The following POU6F2 variants were observed in gnomAD, a reference collection of about 807,000 sequenced individuals.
The protein encoded by POU6F2 is POU class 6 homeobox 2, also known as POU domain, class 6, transcription factor 2.
In POU6F2, 31 loss-of-function variants were observed where a neutral mutation model predicts 71.3. That is an observed-to-expected ratio of 0.43 (90% CI 0.33 to 0.59). The LOEUF (loss-of-function observed/expected upper bound fraction) is 0.59, where lower values mean the gene tolerates loss of function less well. Ranked by LOEUF, POU6F2 falls within the 20% of genes least tolerant of loss-of-function variation. The pLI, the probability that POU6F2 is intolerant of heterozygous loss-of-function variation, is 0.04. For missense variants in POU6F2, 783 were observed against 856.8 expected, an observed-to-expected ratio of 0.91 and a Z score of 1.07; for synonymous variants, 347 against 355.7, an observed-to-expected ratio of 0.98 and a Z score of 0.27.
chr7:39,206,851 A>C (rs994421344), intron 3 of POU6F2, among the ~76,000 whole-genome samples: 6 of 152,234 alleles, frequency 3.9e-5, no homozygotes, highest in African/African-American at 1.4e-4. Context: ...AGCTCTTGAT[A>C]ATCTATTTCT....
chr7:39,023,857 A>G (rs555828845), intron 1 of POU6F2, among the ~76,000 whole-genome samples: 1 of 152,216 alleles, frequency 6.6e-6, no homozygotes, highest in African/African-American at 2.4e-5. Context: ...GCCAGAAAGG[A>G]AAAAGGCCCA....
intron 1 of POU6F2, among the ~76,000 whole-genome samples, chr7:38,999,314 T>C (rs1788832216): frequency 6.6e-6 from 1 of 152,144 alleles, no homozygotes; most frequent in African/African-American, 2.4e-5. Flanking sequence ...CACAATTCTT[T>C]ACACATAGTA....
At chr7:39,058,423 T>A (rs1790579757) in intron 1 of POU6F2, among the ~76,000 whole-genome samples, 1 of 152,214 alleles carries the variant, frequency 6.6e-6, no homozygotes, top group African/African-American at 2.4e-5. Flanking sequence ...ATCAGTCTCC[T>A]GCACAGTGCA....
In POU6F2 at chr7:39,464,824, C is replaced by T; in HGVS notation, c.*138C>T. 3 of 1,065,890 alleles carry T rather than the reference C, an allele frequency of 2.8e-6. No individual in the cohort carries two copies. Among genetic ancestry groups the T allele is most frequent in the Non-Finnish European group, 3.9e-6 (3 of 764,006 alleles). The allele number at this position is 1,065,890 out of a possible 1,614,324, so 66.0% of individuals were successfully genotyped here. ...CGTCATCACCCTTGTAAGTAAATGA[C>T]TAAGAAAACTACCAAGTGGACAGAA... is the stretch of plus-strand genomic sequence containing the variant. On this transcript the variant is annotated 3_prime_UTR_variant, in exon 10 of 10. Coordinates refer to ENST00000518318, the MANE Select transcript of POU6F2 (RefSeq NM_001370959.1). This position sits in a 1 kb window ranked among gnomAD's most constrained non-coding sequence, Gnocchi z 4.1.
chr7:39,192,518 A>T (rs749413296), intron 2 of POU6F2, among the ~76,000 whole-genome samples: 1 of 152,180 alleles, frequency 6.6e-6, no homozygotes, highest in Non-Finnish European at 1.5e-5. Flanking sequence ...ATTGCCATAA[A>T]TAAGAGAGCA....
chr7:39,247,955 A>G (rs1783849999), intron 4 of POU6F2, among the ~76,000 whole-genome samples: 1 of 152,300 alleles, frequency 6.6e-6, no homozygotes, highest in South Asian at 2.1e-4. Context: ...ACAATCTGGG[A>G]TGGATCCTTT....
intron 2 of POU6F2, among the ~76,000 whole-genome samples, chr7:39,100,647 T>C (rs988069238): frequency 1.3e-5 from 2 of 152,176 alleles, no homozygotes; most frequent in Non-Finnish European, 1.5e-5. Flanking sequence ...ATGTTTGTGT[T>C]AATGTTAAGT....
At chr7:39,015,390 GAT>G (rs1789452073) in intron 1 of POU6F2, among the ~76,000 whole-genome samples, 1 of 120,416 alleles carries the variant, frequency 8.3e-6, no homozygotes, top group Admixed American at 9.7e-5. Flanking sequence ...ATATATAATA[GAT>G]ATATATTATA....
At chr7:39,164,668 G>T (rs148630432) in intron 2 of POU6F2, among the ~76,000 whole-genome samples, 2 of 152,040 alleles carry the variant, frequency 1.3e-5, no homozygotes, top group East Asian at 4.0e-4. Context: ...CACAAAAAGA[G>T]CTGTGGCCAG....
At chr7:39,445,984 C>T (rs1788513845) in intron 7 of POU6F2, among the ~76,000 whole-genome samples, 1 of 152,236 alleles carries the variant, frequency 6.6e-6, no homozygotes, top group East Asian at 1.9e-4. Context: ...CCAACCCAGG[C>T]TTACTAAATT....
At chr7:39,144,694 G>A (rs936217664) in intron 2 of POU6F2, among the ~76,000 whole-genome samples, 1 of 152,146 alleles carries the variant, frequency 6.6e-6, no homozygotes, top group African/African-American at 2.4e-5. Flanking sequence ...TACCTCCACG[G>A]GAATCATCAA....
chr7:39,015,614 G>T lies in POU6F2; in HGVS notation c.105+37556G>T, dbSNP rs1487399818. Reference sequence around the variant, plus strand: ...TATAGATATATCTATGTTTTATATAGATCTACATTATAGATATATCTATGT... The same window carrying T: ...TATAGATATATCTATGTTTTATATATATCTACATTATAGATATATCTATGT... On this transcript the variant is annotated intron_variant, in intron 1 of 9. Coordinates refer to ENST00000518318, the MANE Select transcript of POU6F2 (RefSeq NM_001370959.1). 5.1e-5 allele frequency among the ~76,000 whole-genome samples: 3 copies of T among 59,300 alleles called. No homozygotes were observed. In the East Asian group the frequency reaches 1.0e-3, roughly 20 times the overall value. The allele number at this position is 59,300 out of a possible 152,430, so 38.9% of individuals were successfully genotyped here.
intron 5 of POU6F2, among the ~76,000 whole-genome samples, chr7:39,383,225 G>A (rs1320286088): frequency 6.6e-6 from 1 of 152,138 alleles, no homozygotes; most frequent in Non-Finnish European, 1.5e-5. Flanking sequence ...CATGTTAAAA[G>A]AAGGAAATGT....
At chr7:39,207,933 T>A (rs1794055667) in intron 4 of POU6F2, among the ~76,000 whole-genome samples, 1 of 152,244 alleles carries the variant, frequency 6.6e-6, no homozygotes, top group African/African-American at 2.4e-5. Flanking sequence ...GTGTTGTTAT[T>A]TGAAGACCTG....
chr7:39,403,644 T>C (rs1039182745), intron 5 of POU6F2, among the ~76,000 whole-genome samples: 3 of 152,130 alleles, frequency 2.0e-5, no homozygotes, highest in African/African-American at 7.2e-5. Context: ...TCAAGAAATA[T>C]CGATAGGAGC....
chr7:39,316,767 A>C (rs1271615856), intron 4 of POU6F2, among the ~76,000 whole-genome samples: 1 of 152,240 alleles, frequency 6.6e-6, no homozygotes, highest in Non-Finnish European at 1.5e-5. Context: ...AGGCCACTTC[A>C]TCCTATTGCT....
intron 5 of POU6F2, among the ~76,000 whole-genome samples, chr7:39,362,986 G>A (rs934700304): frequency 2.0e-5 from 3 of 152,220 alleles, no homozygotes; most frequent in Admixed American, 1.3e-4. Context: ...GAGGCCAGAT[G>A]ACGCTGGGTC....
chr7:39,019,610 T>C (rs536350857), intron 1 of POU6F2, among the ~76,000 whole-genome samples: 34 of 152,176 alleles, frequency 2.2e-4, no homozygotes, highest in Admixed American at 1.2e-3. Context: ...CCTTCCTGGA[T>C]TGATTGTGCT....
At chr7:39,086,560 A>G (rs1053498420) in intron 2 of POU6F2, among the ~76,000 whole-genome samples, 2 of 152,194 alleles carry the variant, frequency 1.3e-5, no homozygotes, top group Non-Finnish European at 2.9e-5. Context: ...ATCAGAATGA[A>G]TATTTCTTCT....
Sources: allele counts gnomAD v4.1 joint callset (sites outside exome capture counted in the v4.1 genomes callset), GRCh38; gene constraint gnomAD v4.1.1; non-coding constraint Gnocchi (gnomAD v3.1); transcripts MANE v1.5; gene names NCBI Gene and HGNC (gene_info 2026-07-23, HGNC 2026-07-21).